BATF2: variants seen among roughly 807,000 people sequenced by gnomAD.
BATF2 encodes basic leucine zipper ATF-like transcription factor 2, also known as basic leucine zipper transcriptional factor ATF-like 2.
A neutral mutation model predicts 7.3 loss-of-function variants in BATF2; 4 were observed. The ratio of observed to expected loss-of-function variants is 0.55; its 90% CI spans 0.27 to 1.26. The LOEUF (loss-of-function observed/expected upper bound fraction) is 1.26, where lower values mean the gene tolerates loss of function less well. Among genes scored for constraint, BATF2 ranks in the 50% most tolerant of loss-of-function variants. BATF2 has a pLI of 0.11. For synonymous variants in BATF2, 152 were observed against 153.9 expected (o/e 0.99, Z 0.09); for missense variants, 295 against 340.5 (o/e 0.87, Z 1.05).
In BATF2 at chr11:64,989,094, C is replaced by A; in HGVS notation, c.*35G>T. The A allele has an allele frequency of 6.2e-7, 1 of 1,610,346 alleles. No homozygotes were observed. The highest frequency in any genetic ancestry group is 8.5e-7 in the Non-Finnish European group (1 of 1,176,810). On this transcript the variant is annotated 3_prime_UTR_variant, in exon 3 of 3. Transcript: ENST00000301887. This position sits in a 1 kb window ranked among gnomAD's most constrained non-coding sequence, Gnocchi z 4.3. ...CGTGTGCTAAGGCTGCTTCCTGAGCCCAAAGAAGGGGCCAACCCAGCTCCG... is the reference window on the plus strand; with the variant it reads ...CGTGTGCTAAGGCTGCTTCCTGAGCACAAAGAAGGGGCCAACCCAGCTCCG...
chr11:64,994,542 T>C lies in BATF2; in HGVS notation c.47A>G (p.Lys16Arg). The change falls in exon 2 of 3, where the codon AAG becomes AGG. Residue 16 changes from lysine (K) to arginine (R), a missense_variant. Physicochemically the swap from Lys to Arg is conservative, Grantham distance 26. Coordinates refer to ENST00000301887, the MANE Select transcript of BATF2 (RefSeq NM_138456.4). ...CTTCTTCAGCTGCCTTTGTTGCTCC[T>C]TGGGGTCCTGTGGGGCATGAGGCAG... ...GNGLLTQTDP[K>R]EQQRQLKKQK... 1 of 1,599,938 alleles carries C rather than the reference T, an allele frequency of 6.3e-7. No homozygotes were observed. The highest frequency in any genetic ancestry group is 8.5e-7 in the Non-Finnish European group (1 of 1,173,424).
chr11:64,996,578 CTG>C (rs1946111538), intron 1 of BATF2, among the ~76,000 whole-genome samples: 1 of 152,196 alleles, frequency 6.6e-6, no homozygotes, highest in African/African-American at 2.4e-5. Flanking sequence ...GGAAAGGCTG[CTG>C]TGAGTGTAGT....
chr11:64,991,046 TC>T (rs1946072460), intron 2 of BATF2, among the ~76,000 whole-genome samples: 4 of 151,398 alleles, frequency 2.6e-5, no homozygotes, highest in African/African-American at 9.7e-5. Flanking sequence ...TGCCTCGGCC[TC>T]CCAAAGTTCT....
chr11:64,993,801 CT>C (rs143580129), intron 2 of BATF2, among the ~76,000 whole-genome samples: 2,496 of 149,452 alleles, frequency 0.017, 80 homozygotes, highest in African/African-American at 0.056. Flanking sequence ...GAATAATCCA[CT>C]TTTTTTTTTC....
chr11:64,990,568 T>C, intron 2 of BATF2: 5 of 1,063,262 alleles, frequency 4.7e-6, no homozygotes, highest in Non-Finnish European at 5.7e-6. Context: ...TCTGTTCTGC[T>C]GAACGCCGGT....
chr11:64,995,744 C>G (rs1946105168), intron 1 of BATF2, among the ~76,000 whole-genome samples: 1 of 152,164 alleles, frequency 6.6e-6, no homozygotes, highest in African/African-American at 2.4e-5. Flanking sequence ...AGGCAAGGCC[C>G]TGGCCGCCCT....
chr11:64,989,438 G>A lies in BATF2; in HGVS notation c.516C>T (p.Pro172=), dbSNP rs1338142577. 1 of 1,608,444 alleles carries A rather than the reference G, an allele frequency of 6.2e-7. No homozygotes were observed. The highest frequency in any genetic ancestry group is 2.2e-5 in the East Asian group (1 of 44,840). ...TGTGCGAGGCAAACAGGAGAGGGCT[G>A]GGGGACAGCTGGACAGGAGGTTCAG... The part of the protein sequence containing the change: ...VVAEPPVQLS[P]SPLLFASHTG... Residue 172 remains proline (P), a synonymous_variant, in exon 3 of 3, where the codon CCC becomes CCT. Coordinates refer to ENST00000301887, the MANE Select transcript of BATF2 (RefSeq NM_138456.4). The surrounding 1 kb of genome is among the most constrained non-coding windows in gnomAD (Gnocchi z 4.3).
Position 64,994,490 on chromosome 11 carries a change from T to A in BATF2, c.99A>T (p.Arg33=). 1 of 1,602,882 alleles carries A rather than the reference T, an allele frequency of 6.2e-7. No individual in the cohort carries two copies. The highest frequency in any genetic ancestry group is 1.1e-5 in the South Asian group (1 of 89,048). Reference sequence around the variant, plus strand: ...CCTTGTCTGTGTGCTTCTGCCGGCTTCGCTGGGCGGCTGCCCGGTTCTTCT... The same window carrying A: ...CCTTGTCTGTGTGCTTCTGCCGGCTACGCTGGGCGGCTGCCCGGTTCTTCT... ...KKQKNRAAAQ[R]SRQKHTDKAD... Residue 33 remains arginine (R), a synonymous_variant, in exon 2 of 3, where the codon CGA becomes CGT. Transcript: ENST00000301887.
rs941253231 is a variant in BATF2 at position 64,995,749 on chromosome 11, C to T, written c.39+1127G>A. Among the ~76,000 whole-genome samples, 9 of 152,252 alleles carry T rather than the reference C, an allele frequency of 5.9e-5. No homozygotes were observed. In the East Asian group the frequency reaches 9.7e-4, roughly 16 times the overall value. On this transcript the variant is annotated intron_variant, in intron 1 of 2. Transcript: ENST00000301887. ...TAAGGACCTCAGGCAAGGCCCTGGC[C>T]GCCCTGGCTGCAGATTCTGAATGCT...
chr11:64,989,784 A>AGGTTGTCTTTTTCCAGAGACTC lies in BATF2; in HGVS notation c.148_169dup (p.Leu57ArgfsTer32). 6.2e-7 allele frequency: 1 copy of AGGTTGTCTTTTTCCAGAGACTC among 1,613,742 alleles called. No homozygotes were observed. Among genetic ancestry groups the AGGTTGTCTTTTTCCAGAGACTC allele is most frequent in the Non-Finnish European group, 8.5e-7 (1 of 1,179,984 alleles). ...GGACTGGATCTCCTTCCGCAGGGCGAGGTTGTCTTTTTCCAGAGACTCGTG... is the reference window on the plus strand; with the variant it reads ...GGACTGGATCTCCTTCCGCAGGGCGAGGTTGTCTTTTTCCAGAGACTCGGTTGTCTTTTTCCAGAGACTCGTG... On this transcript the variant is annotated frameshift_variant, in exon 3 of 3. Transcript: ENST00000301887. LOFTEE classifies it low-confidence loss of function (END_TRUNC). The surrounding 1 kb of genome is among the most constrained non-coding windows in gnomAD (Gnocchi z 4.3).
At position 64,989,758 on chromosome 11, in the gene BATF2, G is replaced by A. The variant is rs1475592120; in HGVS notation, c.196C>T (p.Leu66=). Residue 66 remains leucine (L), a synonymous_variant, in exon 3 of 3, where the codon CTG becomes TTG. Coordinates refer to ENST00000301887, the MANE Select transcript of BATF2 (RefSeq NM_138456.4). The surrounding 1 kb of genome is among the most constrained non-coding windows in gnomAD (Gnocchi z 4.3). ...NLALRKEIQS[L]QAELAWWSRT... ...CTCCACCACGCCAGCTCGGCCTGCA[G>A]GGACTGGATCTCCTTCCGCAGGGCG... The A allele has an allele frequency of 6.2e-7, 1 of 1,614,038 alleles. No individual in the cohort carries two copies. Among genetic ancestry groups the A allele is most frequent in the East Asian group, 2.2e-5 (1 of 44,878 alleles).
chr11:64,989,320 C>T lies in BATF2; in HGVS notation c.634G>A (p.Glu212Lys), dbSNP rs139572037. Residue 212 changes from glutamate (E) to lysine (K), a missense_variant, in exon 3 of 3, where the codon GAG becomes AAG. By Grantham distance (56) the Glu-to-Lys change is moderately conservative (BLOSUM62 1). Coordinates refer to ENST00000301887, the MANE Select transcript of BATF2 (RefSeq NM_138456.4). The surrounding 1 kb of genome is among the most constrained non-coding windows in gnomAD (Gnocchi z 4.3). Reference sequence around the variant, plus strand: ...CCCAGCTTCCCTCTGGTGGGATGCTCCAGCTCGAGGGGCTGTGGAGGGGCA... The same window carrying T: ...CCCAGCTTCCCTCTGGTGGGATGCTTCAGCTCGAGGGGCTGTGGAGGGGCA... ...QTAPPQPLEL[E>K]HPTRGKLGSS... The T allele has an allele frequency of 2.5e-6, 4 of 1,578,190 alleles. No homozygotes were observed. The highest frequency in any genetic ancestry group is 1.8e-5 in the Admixed American group (1 of 56,528).
At position 64,989,855 on chromosome 11, in the gene BATF2, G is replaced by C. The variant is rs939320634; in HGVS notation, c.142-43C>G. 3 of 1,605,936 alleles carry C rather than the reference G, an allele frequency of 1.9e-6. No individual in the cohort carries two copies. The African/African-American group carries it at 4.0e-5, about 21-fold the overall frequency. Reference sequence around the variant, plus strand: ...GGCGGGGAGGGGAACCTCAGCCAGTGTCAGGGGCCCCGCATGAGCCTTAGC... The same window carrying C: ...GGCGGGGAGGGGAACCTCAGCCAGTCTCAGGGGCCCCGCATGAGCCTTAGC... On this transcript the variant is annotated intron_variant, in intron 2 of 2. Transcript: ENST00000301887. This position sits in a 1 kb window ranked among gnomAD's most constrained non-coding sequence, Gnocchi z 4.3.
Position 64,989,213 on chromosome 11 carries a change from G to A in BATF2, c.741C>T (p.Ala247=). ...SREHKPALSA[A]TWQGLVVDPS... is the part of the protein sequence containing the mutation. Reference sequence around the variant, plus strand: ...GATCCACAACCAGCCCTTGCCAAGTGGCTGCTGAGAGAGCAGGTTTGTGCT... The same window carrying A: ...GATCCACAACCAGCCCTTGCCAAGTAGCTGCTGAGAGAGCAGGTTTGTGCT... Residue 247 remains alanine (A), a synonymous_variant, in exon 3 of 3, where the codon GCC becomes GCT. Transcript: ENST00000301887. The surrounding 1 kb of genome is among the most constrained non-coding windows in gnomAD (Gnocchi z 4.3). 1 of 1,614,102 alleles carries A rather than the reference G, an allele frequency of 6.2e-7. No individual in the cohort carries two copies. Among genetic ancestry groups the A allele is most frequent in the Non-Finnish European group, 8.5e-7 (1 of 1,180,018 alleles).
Position 64,994,506 on chromosome 11 carries a change from CG to C in BATF2, c.82del (p.Arg28GlyfsTer282). ...CTGCCGGCTTCGCTGGGCGGCTGCC[CG>C]GTTCTTCTGCTTCTTCAGCTGCCTT... ...QQRQLKKQKNRAAAQRSRQKH... is the reference protein window; with the variant it reads ...QQRQLKKQKNXAAAQRSRQKH... On this transcript the variant is annotated frameshift_variant, in exon 2 of 3. Coordinates refer to ENST00000301887, the MANE Select transcript of BATF2 (RefSeq NM_138456.4). LOFTEE classifies it high-confidence loss of function. The C allele has an allele frequency of 6.2e-7, 1 of 1,604,362 alleles. No homozygotes were observed. The highest frequency in any genetic ancestry group is 8.5e-7 in the Non-Finnish European group (1 of 1,175,528).
chr11:64,989,103 G>A lies in BATF2; in HGVS notation c.*26C>T, dbSNP rs2136872680. 2 of 1,613,026 alleles carry A rather than the reference G, an allele frequency of 1.2e-6. No homozygotes were observed. The highest frequency in any genetic ancestry group is 1.3e-5 in the African/African-American group (1 of 75,002). On this transcript the variant is annotated 3_prime_UTR_variant, in exon 3 of 3. Transcript: ENST00000301887. The surrounding 1 kb of genome is among the most constrained non-coding windows in gnomAD (Gnocchi z 4.3). ...AGGCTGCTTCCTGAGCCCAAAGAAG[G>A]GGCCAACCCAGCTCCGAAGACCAGG...
intron 1 of BATF2, among the ~76,000 whole-genome samples, chr11:64,995,599 G>C (rs928273393): frequency 6.6e-6 from 1 of 152,160 alleles, no homozygotes; most frequent in African/African-American, 2.4e-5. Context: ...TGGGATCAAT[G>C]AAACTTAGAT....
At position 64,989,684 on chromosome 11, in the gene BATF2, G is replaced by A; in HGVS notation, c.270C>T (p.Ser90=). 1 of 1,613,878 alleles carries A rather than the reference G, an allele frequency of 6.2e-7. No individual in the cohort carries two copies. Among genetic ancestry groups the A allele is most frequent in the Non-Finnish European group, 8.5e-7 (1 of 1,179,962 alleles). ...HERLCPMDCA[S]CSAPGLLGCW... is the part of the protein sequence containing the mutation. ...AGCCCAGGAGCCCTGGAGCTGAGCA[G>A]GAGGCACAATCCATGGGGCACAGGC... Residue 90 remains serine (S), a synonymous_variant, in exon 3 of 3, where the codon TCC becomes TCT. Coordinates refer to ENST00000301887, the MANE Select transcript of BATF2 (RefSeq NM_138456.4). This position sits in a 1 kb window ranked among gnomAD's most constrained non-coding sequence, Gnocchi z 4.3.
In BATF2 at chr11:64,994,606, C is replaced by G. The variant is rs954358777; in HGVS notation, c.40-57G>C. The G allele has an allele frequency of 5.4e-6, 8 of 1,483,508 alleles. No homozygotes were observed. The Admixed American group carries it at 5.9e-5, about 11-fold the overall frequency. The allele number at this position is 1,483,508 out of a possible 1,614,324, so 91.9% of individuals were successfully genotyped here. A position where few individuals can be genotyped will look rare whatever the true frequency, so the allele number is the denominator to read the frequency against. ...CCCAGCCAGGCCTTGTGCCCTCCGT[C>G]CTGGCCCGCCATTTGTAAAGCCAAG... On this transcript the variant is annotated intron_variant, in intron 1 of 2. Transcript: ENST00000301887.
Sources: allele counts gnomAD v4.1 joint callset (sites outside exome capture counted in the v4.1 genomes callset), GRCh38; gene constraint gnomAD v4.1.1; non-coding constraint Gnocchi (gnomAD v3.1); transcripts MANE v1.5; gene names NCBI Gene and HGNC (gene_info 2026-07-23, HGNC 2026-07-21).